Variants in CADPS2 observed in about 807,000 individuals in gnomAD.
CADPS2 encodes calcium-dependent secretion activator 2.
In CADPS2, 93 loss-of-function variants were observed where a neutral mutation model predicts 172.5. That is an observed-to-expected ratio of 0.54 (90% CI 0.46 to 0.64). The LOEUF is 0.64. CADPS2 is among the 30% of genes least tolerant of loss of function. CADPS2 has a pLI of 0.00. For synonymous variants in CADPS2, 546 were observed against 555.2 expected (o/e 0.98, Z 0.23); for missense variants, 1,420 against 1,565.9 (o/e 0.91, Z 1.57).
intron 27 of CADPS2, among the ~76,000 whole-genome samples, chr7:122,350,032 T>C (rs2038300978): frequency 6.6e-6 from 1 of 152,212 alleles, no homozygotes; most frequent in South Asian, 2.1e-4. Context: ...AACTAGAAGC[T>C]ACAGTGTAAT....
At chr7:122,524,931 T>C (rs1032158940) in intron 8 of CADPS2, among the ~76,000 whole-genome samples, 4 of 152,142 alleles carry the variant, frequency 2.6e-5, no homozygotes, top group African/African-American at 9.6e-5. Flanking sequence ...GGCGGATTGT[T>C]GAGCCAAGGG....
At chr7:122,872,975 AG>A (rs1486343384) in intron 1 of CADPS2, among the ~76,000 whole-genome samples, 1 of 152,074 alleles carries the variant, frequency 6.6e-6, no homozygotes, top group Admixed American at 6.6e-5. Context: ...CACAAACATA[AG>A]GAAGGCGAAG....
At chr7:122,421,513 T>C (rs1357592289) in intron 17 of CADPS2, among the ~76,000 whole-genome samples, 1 of 152,220 alleles carries the variant, frequency 6.6e-6, no homozygotes, top group Non-Finnish European at 1.5e-5. Context: ...CATTCATTTC[T>C]TCTTTGGTTT....
intron 9 of CADPS2, among the ~76,000 whole-genome samples, chr7:122,504,250 A>C (rs2059441321): frequency 6.6e-6 from 1 of 152,186 alleles, no homozygotes; most frequent in Non-Finnish European, 1.5e-5. Context: ...CTGATGTGGG[A>C]GTACCTAGCA....
intron 28 of CADPS2, among the ~76,000 whole-genome samples, chr7:122,341,188 T>C (rs964109892): frequency 3.3e-5 from 5 of 152,212 alleles, no homozygotes; most frequent in African/African-American, 9.6e-5. Context: ...ATACACAATG[T>C]CATATGGCAT....
intron 20 of CADPS2, among the ~76,000 whole-genome samples, chr7:122,402,198 C>T (rs1000361352): frequency 6.6e-6 from 1 of 152,142 alleles, no homozygotes; most frequent in Non-Finnish European, 1.5e-5. Context: ...CAACTCCTTT[C>T]CTCTGCCCCC....
chr7:122,629,012 T>G, intron 4 of CADPS2, among the ~76,000 whole-genome samples: 1 of 152,028 alleles, frequency 6.6e-6, no homozygotes, highest in East Asian at 1.9e-4. Context: ...TCTATAAAAG[T>G]TATCATTAAA....
intron 3 of CADPS2, among the ~76,000 whole-genome samples, chr7:122,654,384 G>A (rs2079509468): frequency 6.6e-6 from 1 of 152,214 alleles, no homozygotes; most frequent in Non-Finnish European, 1.5e-5. Context: ...TCAATGCCTG[G>A]TTTCAAAGCT....
At chr7:122,469,043 T>C (rs2055545589) in intron 14 of CADPS2, among the ~76,000 whole-genome samples, 1 of 152,190 alleles carries the variant, frequency 6.6e-6, no homozygotes, top group African/African-American at 2.4e-5. Context: ...AGATAATATA[T>C]GCATGAACAT....
At chr7:122,718,079 C>T (rs2089897422) in intron 2 of CADPS2, among the ~76,000 whole-genome samples, 1 of 144,000 alleles carries the variant, frequency 6.9e-6, no homozygotes, top group South Asian at 2.3e-4. Flanking sequence ...GATCCTCATG[C>T]CTCAGCCTCC....
intron 9 of CADPS2, among the ~76,000 whole-genome samples, chr7:122,503,253 C>T (rs1468490388): frequency 6.6e-6 from 1 of 151,934 alleles, no homozygotes; most frequent in African/African-American, 2.4e-5. Context: ...CCAGGCTGGT[C>T]TTGAACTCCT....
chr7:122,880,130 T>A (rs1822485417), intron 1 of CADPS2, among the ~76,000 whole-genome samples: 1 of 152,202 alleles, frequency 6.6e-6, no homozygotes, highest in South Asian at 2.1e-4. Flanking sequence ...AGGACCTTTG[T>A]GAACTGTACT....
chr7:122,845,942 G>A (rs528955833), intron 1 of CADPS2, among the ~76,000 whole-genome samples: 1 of 152,254 alleles, frequency 6.6e-6, no homozygotes, highest in East Asian at 1.9e-4. Context: ...CAACACGGTG[G>A]TCCCTCATTC....
At chr7:122,525,454 T>G (rs1297939032) in intron 8 of CADPS2, among the ~76,000 whole-genome samples, 1 of 152,170 alleles carries the variant, frequency 6.6e-6, no homozygotes, top group Non-Finnish European at 1.5e-5. Flanking sequence ...TTGTGACCAA[T>G]CTTGTCGGTA....
At chr7:122,632,039 G>T (rs1450664261) in intron 3 of CADPS2, among the ~76,000 whole-genome samples, 1 of 152,048 alleles carries the variant, frequency 6.6e-6, no homozygotes, top group Non-Finnish European at 1.5e-5. Context: ...TTTTAGGGTT[G>T]TGTAATAATC....
intron 5 of CADPS2, among the ~76,000 whole-genome samples, chr7:122,621,250 G>T (rs1056808414): frequency 6.6e-6 from 1 of 152,036 alleles, no homozygotes; most frequent in African/African-American, 2.4e-5. Flanking sequence ...AAGAAGACTT[G>T]CCTTAAAACT....
At chr7:122,452,489 G>A (rs1292299802) in intron 14 of CADPS2, among the ~76,000 whole-genome samples, 1 of 152,170 alleles carries the variant, frequency 6.6e-6, no homozygotes, top group Non-Finnish European at 1.5e-5. Context: ...TCCGCCTCCT[G>A]GATTCAAGCA....
At chr7:122,776,684 T>A (rs1390366154) in intron 1 of CADPS2, among the ~76,000 whole-genome samples, 1 of 152,176 alleles carries the variant, frequency 6.6e-6, no homozygotes, top group Admixed American at 6.5e-5. Context: ...AAGTTTAGAA[T>A]TTCCTAAAGA....
At chr7:122,664,064 CAAAAAAA>C (rs541690772) in intron 2 of CADPS2, among the ~76,000 whole-genome samples, 7 of 84,882 alleles carry the variant, frequency 8.2e-5, no homozygotes, top group Admixed American at 6.6e-4. Flanking sequence ...TGTTTATAAG[CAAAAAAA>C]AAAAAAAAAA....
Sources: allele counts gnomAD v4.1 joint callset (sites outside exome capture counted in the v4.1 genomes callset), GRCh38; gene constraint gnomAD v4.1.1; transcripts MANE v1.5; gene names NCBI Gene and HGNC (gene_info 2026-07-23, HGNC 2026-07-21).